Variants in PTPN3 observed in about 807,000 individuals in gnomAD.
PTPN3 encodes the protein protein tyrosine phosphatase non-receptor type 3, also known as tyrosine-protein phosphatase non-receptor type 3.
PTPN3 carries 96 observed loss-of-function variants against 132.7 expected under a neutral mutation model. That is an observed-to-expected ratio of 0.72 (90% CI 0.61 to 0.86). The LOEUF (loss-of-function observed/expected upper bound fraction) is 0.86. Ranked by LOEUF, PTPN3 falls within the 40% of genes least tolerant of loss-of-function variation. The probability of loss-of-function intolerance (pLI) is 0.00; values close to 1 mark genes in which losing one functional copy is unlikely to be tolerated. For synonymous variants in PTPN3, 398 were observed against 429.0 expected (o/e 0.93, Z 0.89); for missense variants, 1,125 against 1,159.6 (o/e 0.97, Z 0.43).
intron 25 of PTPN3, among the ~76,000 whole-genome samples, 166 bp downstream of exon 25, chr9:109,381,486 G>T: frequency 6.6e-6 from 1 of 152,244 alleles, no homozygotes; most frequent in Non-Finnish European, 1.5e-5. Context: ...GAGCTCAGAG[G>T]TGAGATGGGT....
intron 1 of PTPN3, among the ~76,000 whole-genome samples, chr9:109,494,368 A>G (rs1847589756): frequency 6.6e-6 from 1 of 152,150 alleles, no homozygotes; most frequent in Non-Finnish European, 1.5e-5. Context: ...TGCGAGGTAC[A>G]AGGAGGACTG....
intron 5 of PTPN3, chr9:109,450,166 GATT>G: frequency 1.0e-6 from 1 of 984,656 alleles, no homozygotes; most frequent in Non-Finnish European, 1.2e-6. Flanking sequence ...TTATTACTTT[GATT>G]ATAATTAACT....
At chr9:109,517,393 G>A in the PTPN3 span, among the ~76,000 whole-genome samples, 1,143 of 152,288 alleles carry the variant, frequency 7.5e-3, 10 homozygotes, top group African/African-American at 0.026. Flanking sequence ...GATGCTATAA[G>A]TTCAAATTAT....
Position 109,431,180 on chromosome 9 carries a change from G to A in PTPN3, c.764+1893C>T, listed in dbSNP as rs372755836. ...TTCAGCAGGACTGTGGGTGAGCCTG[G>A]GGGTTGGAGAGTCCCTGCAGGCTCT... On this transcript the variant is annotated intron_variant, in intron 10 of 25. Transcript: ENST00000374541. Among the ~76,000 whole-genome samples the A allele has an allele frequency of 3.9e-5, 6 of 152,330 alleles. No homozygotes were observed. In the East Asian group the frequency reaches 7.7e-4, roughly 20 times the overall value.
rs1028069459 is a variant in PTPN3, at chr9:109,378,068, C to T, written c.*1488G>A. The T allele has an allele frequency of 1.2e-4, 19 of 152,162 alleles. No homozygotes were observed. The highest frequency in any genetic ancestry group is 4.6e-4 in the African/African-American group (19 of 41,432). 9.4% of individuals were successfully genotyped at this position (152,162 alleles called of 1,614,324 possible). ...AGAATCTCCCATATAGGTCTTCATC[C>T]GTCTTGCTACCAGCAAACTATTCAA... On this transcript the variant is annotated 3_prime_UTR_variant, in exon 26 of 26. Transcript: ENST00000374541.
At chr9:109,506,607 C>CT in the PTPN3 span, among the ~76,000 whole-genome samples, 2,860 of 131,758 alleles carry the variant, frequency 0.022, 27 homozygotes, top group Middle Eastern at 0.045. Flanking sequence ...TTCTTTCTTT[C>CT]TTTTTTTTTT....
intron 13 of PTPN3, 143 bp downstream of exon 13, chr9:109,422,574 TG>T: frequency 1.0e-6 from 1 of 959,454 alleles, no homozygotes; most frequent in South Asian, 1.8e-5. Flanking sequence ...GTGTACTTCA[TG>T]AAAACAGTTA....
At chr9:109,532,837 G>T in the PTPN3 span, 2 of 1,011,708 alleles carry the variant, frequency 2.0e-6, no homozygotes, top group Non-Finnish European at 2.6e-6. Flanking sequence ...AATTTACTCA[G>T]CCCCGCCCTG....
the PTPN3 span, among the ~76,000 whole-genome samples, chr9:109,509,020 C>A: frequency 6.6e-6 from 1 of 151,952 alleles, no homozygotes; most frequent in Non-Finnish European, 1.5e-5. Flanking sequence ...ATAGTGAGAC[C>A]CCATCTCTAT....
At chr9:109,535,868 G>A in the PTPN3 span, among the ~76,000 whole-genome samples, 1 of 151,982 alleles carries the variant, frequency 6.6e-6, no homozygotes, top group Admixed American at 6.6e-5. Flanking sequence ...TAAAATTAAG[G>A]TGAAATTCAA....
At chr9:109,536,397 G>A in the PTPN3 span, among the ~76,000 whole-genome samples, 1 of 152,174 alleles carries the variant, frequency 6.6e-6, no homozygotes, top group East Asian at 1.9e-4. Flanking sequence ...CAGTAATTCC[G>A]TTTCACATTT....
intron 16 of PTPN3, among the ~76,000 whole-genome samples, chr9:109,408,649 A>G (rs1279490769): frequency 6.6e-6 from 1 of 151,898 alleles, no homozygotes; most frequent in Non-Finnish European, 1.5e-5. Context: ...CCATGAACTA[A>G]CAGATACACT....
chr9:109,409,621 A>C (rs1255628411), intron 16 of PTPN3, among the ~76,000 whole-genome samples: 1 of 151,972 alleles, frequency 6.6e-6, no homozygotes, highest in Admixed American at 6.6e-5. Context: ...GGTGTTTGAG[A>C]CCAGCTTGGA....
At chr9:109,531,976 G>A in the PTPN3 span, among the ~76,000 whole-genome samples, 2 of 152,104 alleles carry the variant, frequency 1.3e-5, no homozygotes, top group East Asian at 1.9e-4. Flanking sequence ...AATGTATTTC[G>A]TTCCACATTA....
chr9:109,445,106 G>T, intron 7 of PTPN3, 134 bp downstream of exon 7: 1 of 822,486 alleles, frequency 1.2e-6, no homozygotes, highest in Non-Finnish European at 2.0e-6. Flanking sequence ...CACATATCTG[G>T]ACAGCCAGAG....
At chr9:109,429,946 G>A (rs1482932310) in intron 10 of PTPN3, among the ~76,000 whole-genome samples, 2 of 152,164 alleles carry the variant, frequency 1.3e-5, no homozygotes, top group African/African-American at 4.8e-5. Context: ...AACGAAACTT[G>A]AACTATTCAT....
chr9:109,435,220 C>T (rs1359508520), intron 9 of PTPN3, among the ~76,000 whole-genome samples: 2 of 152,182 alleles, frequency 1.3e-5, no homozygotes, highest in Admixed American at 6.5e-5. Context: ...ACCTCAACCC[C>T]TGCAGCATAG....
chr9:109,493,700 A>G (rs1431644347), intron 1 of PTPN3, among the ~76,000 whole-genome samples: 1 of 152,222 alleles, frequency 6.6e-6, no homozygotes, highest in East Asian at 1.9e-4. Context: ...AAACGCAGTC[A>G]GCACAGTCCT....
At chr9:109,467,254 T>C (rs1050044094) in intron 1 of PTPN3, among the ~76,000 whole-genome samples, 3 of 148,914 alleles carry the variant, frequency 2.0e-5, no homozygotes, top group African/African-American at 7.4e-5. Flanking sequence ...TCTAAGAATC[T>C]CAGGTGGGTT....
Sources: allele counts gnomAD v4.1 joint callset (sites outside exome capture counted in the v4.1 genomes callset), GRCh38; gene constraint gnomAD v4.1.1; transcripts MANE v1.5; gene names NCBI Gene and HGNC (gene_info 2026-07-23, HGNC 2026-07-21).